The following ARID4B variants were observed in gnomAD, a reference collection of about 807,000 sequenced individuals.
The protein encoded by ARID4B is AT-rich interactive domain-containing protein 4B.
ARID4B carries 26 observed loss-of-function variants against 147.5 expected under a neutral mutation model. The ratio of observed to expected loss-of-function variants is 0.18; its 90% CI spans 0.13 to 0.24. The LOEUF (loss-of-function observed/expected upper bound fraction) is 0.24, where lower values mean the gene tolerates loss of function less well. Ranked by LOEUF, ARID4B falls within the 10% of genes least tolerant of loss-of-function variation. The probability of loss-of-function intolerance (pLI) is 1.00; values close to 1 mark genes in which losing one functional copy is unlikely to be tolerated. For synonymous variants in ARID4B, 512 were observed against 507.9 expected (o/e 1.01, Z -0.11); for missense variants, 1,179 against 1,511.5 (o/e 0.78, Z 3.65).
At chr1:235,290,436 A>C (rs1402251811) in intron 2 of ARID4B, among the ~76,000 whole-genome samples, 3 of 150,718 alleles carry the variant, frequency 2.0e-5, no homozygotes, top group Non-Finnish European at 4.4e-5. Context: ...CCATCACCAA[A>C]AAAAAAAAAA....
intron 17 of ARID4B, among the ~76,000 whole-genome samples, chr1:235,202,558 T>C (rs1464601389): frequency 6.6e-6 from 1 of 150,806 alleles, no homozygotes; most frequent in Non-Finnish European, 1.5e-5. Flanking sequence ...AAAAAAATTT[T>C]TTTTTTTTTG....
At chr1:235,257,357 C>A in intron 3 of ARID4B, 132 bp from the exon 4 acceptor site, 2 of 583,670 alleles carry the variant, frequency 3.4e-6, no homozygotes, top group South Asian at 5.0e-5. Context: ...ATCCCAATCC[C>A]TAAGTAGATT....
At chr1:235,168,959 C>CTT (rs915227959) in intron 23 of ARID4B, among the ~76,000 whole-genome samples, 1 of 152,168 alleles carries the variant, frequency 6.6e-6, no homozygotes, top group Non-Finnish European at 1.5e-5. Flanking sequence ...ACAGAATACA[C>CTT]TTTTTGTAAC....
intron 22 of ARID4B, among the ~76,000 whole-genome samples, chr1:235,173,588 G>T (rs867330694): frequency 6.8e-5 from 10 of 147,898 alleles, no homozygotes; most frequent in African/African-American, 2.0e-4. Flanking sequence ...AAAAACTCTA[G>T]AGTAGTATTA....
chr1:235,301,006 C>T (rs1216465173), intron 2 of ARID4B, among the ~76,000 whole-genome samples: 3 of 150,916 alleles, frequency 2.0e-5, no homozygotes, highest in Non-Finnish European at 2.9e-5. Context: ...TGAGCCACTA[C>T]GCCCAGCCAA....
chr1:235,216,156 T>C (rs759043862), intron 16 of ARID4B, among the ~76,000 whole-genome samples: 28 of 152,252 alleles, frequency 1.8e-4, no homozygotes, highest in Admixed American at 5.2e-4. Flanking sequence ...GTATCAAATA[T>C]ATCAATTTTG....
intron 17 of ARID4B, among the ~76,000 whole-genome samples, chr1:235,212,155 G>C (rs995647155): frequency 6.6e-6 from 1 of 152,176 alleles, no homozygotes; most frequent in Non-Finnish European, 1.5e-5. Context: ...TGCAGCACAA[G>C]AATCGCTTGA....
chr1:235,223,687 T>TTTTTTG (rs1553296097), intron 12 of ARID4B, among the ~76,000 whole-genome samples: 3 of 145,972 alleles, frequency 2.1e-5, no homozygotes, highest in African/African-American at 7.6e-5. Flanking sequence ...AAAGCTACAT[T>TTTTTTG]TTTTTTTTTT....
chr1:235,291,004 T>G (rs1672302138), intron 2 of ARID4B, among the ~76,000 whole-genome samples: 1 of 152,028 alleles, frequency 6.6e-6, no homozygotes, highest in Admixed American at 6.6e-5. Flanking sequence ...GAGGCTGAGG[T>G]TGGAAGATTG....
At chr1:235,172,795 T>G in intron 22 of ARID4B, 31 bp from the exon 23 acceptor site, 1 of 1,484,770 alleles carries the variant, frequency 6.7e-7, no homozygotes, top group Middle Eastern at 1.8e-4. Context: ...TTAACAGACA[T>G]TTTTAAAGAA....
At chr1:235,274,595 G>C (rs1366310289) in intron 2 of ARID4B, among the ~76,000 whole-genome samples, 1 of 152,046 alleles carries the variant, frequency 6.6e-6, no homozygotes, top group African/African-American at 2.4e-5. Flanking sequence ...TGTATTACTT[G>C]ATAAAAATAA....
chr1:235,210,709 A>G (rs1379475678), intron 17 of ARID4B, among the ~76,000 whole-genome samples: 1 of 152,214 alleles, frequency 6.6e-6, no homozygotes. Context: ...GAAAGTTCAT[A>G]GCATACAAGC....
intron 2 of ARID4B, among the ~76,000 whole-genome samples, chr1:235,294,418 T>C (rs554023283): frequency 3.4e-4 from 41 of 121,960 alleles, no homozygotes; most frequent in African/African-American, 1.3e-3. Context: ...GTTCAAGCAA[T>C]TCTCCCGCTT....
At chr1:235,176,266 A>C (rs1318921229) in intron 21 of ARID4B, among the ~76,000 whole-genome samples, 2 of 151,924 alleles carry the variant, frequency 1.3e-5, no homozygotes, top group African/African-American at 4.8e-5. Flanking sequence ...ATACTAAATA[A>C]CTCATTGAAG....
chr1:235,222,708 C>T (rs1425663233), intron 13 of ARID4B, among the ~76,000 whole-genome samples: 2 of 141,140 alleles, frequency 1.4e-5, no homozygotes, highest in Non-Finnish European at 3.0e-5. Flanking sequence ...GACAGAGTCT[C>T]ATTCTGTCAC....
intron 2 of ARID4B, among the ~76,000 whole-genome samples, chr1:235,309,189 C>A (rs1435146089): frequency 6.7e-6 from 1 of 150,042 alleles, no homozygotes; most frequent in Admixed American, 6.6e-5. Flanking sequence ...AGGTGAGGAG[C>A]GTCTCTGCCC....
chr1:235,281,995 G>C (rs1254620196), intron 2 of ARID4B, among the ~76,000 whole-genome samples: 1 of 152,062 alleles, frequency 6.6e-6, no homozygotes, highest in Non-Finnish European at 1.5e-5. Flanking sequence ...TAAAATACTA[G>C]CCTAGGAACA....
chr1:235,257,910 AC>A (rs1331594532), intron 3 of ARID4B, among the ~76,000 whole-genome samples: 2 of 152,210 alleles, frequency 1.3e-5, no homozygotes, highest in Non-Finnish European at 2.9e-5. Flanking sequence ...GTGAAGGCCT[AC>A]CTTAATAATA....
At chr1:235,198,996 G>A (rs906545742) in intron 17 of ARID4B, among the ~76,000 whole-genome samples, 7 of 152,154 alleles carry the variant, frequency 4.6e-5, no homozygotes, top group African/African-American at 1.7e-4. Context: ...CTACTCGGGA[G>A]GCTGAGGCTG....
Sources: gnomAD v4.1 joint callset for allele counts (sites outside exome capture counted in the v4.1 genomes callset) on GRCh38, gnomAD v4.1.1 for gene constraint, MANE v1.5 for transcripts, NCBI Gene and HGNC (gene_info 2026-07-23, HGNC 2026-07-21) for gene names.